The following PTPRD variants were observed in gnomAD, a reference collection of about 807,000 sequenced individuals.
The protein encoded by PTPRD is protein tyrosine phosphatase receptor type D.
PTPRD carries 34 observed loss-of-function variants against 214.5 expected under a neutral mutation model. The ratio of observed to expected loss-of-function variants is 0.16; its 90% CI spans 0.12 to 0.21. The LOEUF (loss-of-function observed/expected upper bound fraction) is 0.21. Among genes scored for constraint, PTPRD ranks in the 10% least tolerant of loss-of-function variants. The pLI, the probability that PTPRD is intolerant of heterozygous loss-of-function variation, is 1.00. For synonymous variants in PTPRD, 1,128 were observed against 845.7 expected, an observed-to-expected ratio of 1.33 and a Z score of -5.79; for missense variants, 2,545 against 2,398.7, an observed-to-expected ratio of 1.06 and a Z score of -1.27.
chr9:9,676,300 C>G (rs1396849804), intron 7 of PTPRD, among the ~76,000 whole-genome samples: 1 of 141,472 alleles, frequency 7.1e-6, no homozygotes, highest in Non-Finnish European at 1.5e-5. Flanking sequence ...CAACAGGCCC[C>G]AGTGTGTGAT....
chr9:9,193,622 A>G (rs1354346584), intron 9 of PTPRD, among the ~76,000 whole-genome samples: 1 of 152,156 alleles, frequency 6.6e-6, no homozygotes, highest in Non-Finnish European at 1.5e-5. Context: ...CTGTAACACA[A>G]TGGCAAGTAT....
Position 8,560,440 on chromosome 9 carries a change from T to TACAC in PTPRD, c.353-31665_353-31662dup, listed in dbSNP as rs71317370. The stretch of plus-strand genomic sequence containing the variant: ...CAGTACCAACTTAAAAAAAAATACA[T>TACAC]ACACACACACACACACACACACACA... On this transcript the variant is annotated intron_variant, in intron 14 of 45. Coordinates refer to ENST00000381196, the MANE Select transcript of PTPRD (RefSeq NM_002839.4). Among the ~76,000 whole-genome samples the TACAC allele has an allele frequency of 8.0e-3, 1,146 of 143,400 alleles. 13 individuals are homozygous for TACAC. The highest frequency in any genetic ancestry group is 0.02 in the African/African-American group (784 of 38,764). The allele number at this position is 143,400 out of a possible 152,430, so 94.1% of individuals were successfully genotyped here. A position where few individuals can be genotyped will look rare whatever the true frequency, so the allele number is the denominator to read the frequency against.
At chr9:8,336,586 G>A (rs1169907450) in intron 43 of PTPRD, among the ~76,000 whole-genome samples, 1 of 142,282 alleles carries the variant, frequency 7.0e-6, no homozygotes, top group African/African-American at 2.6e-5. Context: ...AAAGCCAAAA[G>A]TGACAAATGG....
At chr9:8,672,243 T>C (rs939644056) in intron 12 of PTPRD, among the ~76,000 whole-genome samples, 1 of 152,186 alleles carries the variant, frequency 6.6e-6, no homozygotes. Context: ...AAAATAATTT[T>C]ATTAGTACAG....
intron 8 of PTPRD, among the ~76,000 whole-genome samples, chr9:9,441,030 T>A (rs140671008): frequency 1.3e-5 from 2 of 152,206 alleles, no homozygotes; most frequent in African/African-American, 2.4e-5. Flanking sequence ...CCTGTGAGAC[T>A]TCCCCTCATT....
At chr9:9,220,649 T>G (rs1055812520) in intron 9 of PTPRD, among the ~76,000 whole-genome samples, 6 of 151,314 alleles carry the variant, frequency 4.0e-5, no homozygotes, top group African/African-American at 1.2e-4. Flanking sequence ...TTTCGGGGGG[T>G]TGAATTCAAA....
At chr9:9,489,189 AT>A (rs530772656) in intron 8 of PTPRD, among the ~76,000 whole-genome samples, 406 of 152,326 alleles carry the variant, frequency 2.7e-3, no homozygotes, top group African/African-American at 8.7e-3. Flanking sequence ...CGCAGAAAAA[AT>A]CTGGAAAACT....
intron 6 of PTPRD, among the ~76,000 whole-genome samples, chr9:9,763,470 T>TA (rs1324844512): frequency 1.4e-4 from 21 of 152,168 alleles, no homozygotes; most frequent in African/African-American, 4.8e-4. Context: ...CAGTCTTCTT[T>TA]AAAAAATCTT....
chr9:9,800,240 C>A (rs1408983341), intron 5 of PTPRD, among the ~76,000 whole-genome samples: 1 of 152,026 alleles, frequency 6.6e-6, no homozygotes, highest in Non-Finnish European at 1.5e-5. Context: ...GAGACTGAGG[C>A]GGAAGGATGG....
chr9:9,103,999 A>C (rs942666776), intron 10 of PTPRD, among the ~76,000 whole-genome samples: 6 of 152,140 alleles, frequency 3.9e-5, no homozygotes, highest in African/African-American at 1.4e-4. Flanking sequence ...TTAATAAATA[A>C]ATAAAAAAGA....
At chr9:9,036,706 T>C (rs1353180090) in intron 10 of PTPRD, among the ~76,000 whole-genome samples, 1 of 152,174 alleles carries the variant, frequency 6.6e-6, no homozygotes, top group Non-Finnish European at 1.5e-5. Flanking sequence ...ATTGTTTATC[T>C]TTACATCCAT....
At chr9:9,909,750 C>A (rs946609002) in intron 5 of PTPRD, among the ~76,000 whole-genome samples, 1 of 150,940 alleles carries the variant, frequency 6.6e-6, no homozygotes, top group Non-Finnish European at 1.5e-5. Flanking sequence ...GACATGTGAG[C>A]CTTTGGGACA....
chr9:10,599,196 CA>C (rs2077374746), intron 2 of PTPRD, among the ~76,000 whole-genome samples: 1 of 151,662 alleles, frequency 6.6e-6, no homozygotes, highest in Non-Finnish European at 1.5e-5. Context: ...AATGTGATGG[CA>C]GAAACCTGTA....
chr9:10,201,142 G>A (rs2154333775), intron 3 of PTPRD, among the ~76,000 whole-genome samples: 1 of 152,038 alleles, frequency 6.6e-6, no homozygotes, highest in South Asian at 2.1e-4. Flanking sequence ...AAAAGACAGT[G>A]CAATGGTGAA....
At chr9:9,701,095 T>C (rs1296378654) in intron 7 of PTPRD, among the ~76,000 whole-genome samples, 1 of 151,712 alleles carries the variant, frequency 6.6e-6, no homozygotes, top group Non-Finnish European at 1.5e-5. Flanking sequence ...GTTGGGAAGA[T>C]ATTAAAGAAT....
rs775581399 is a variant in PTPRD at position 8,319,795 on chromosome 9, C to T, written c.5670+36G>A. ...GAGGTCCAGGCTAGCAAAACGTAGGCTCTTGAGATGCGAAAAATGCAATGG... is the reference window on the plus strand; with the variant it reads ...GAGGTCCAGGCTAGCAAAACGTAGGTTCTTGAGATGCGAAAAATGCAATGG... On this transcript the variant is annotated intron_variant, in intron 45 of 45. Transcript: ENST00000381196. 4.3e-6 allele frequency: 7 copies of T among 1,611,056 alleles called. No homozygotes were observed. In the Admixed American group the frequency reaches 6.7e-5, roughly 15 times the overall value.
chr9:9,739,375 G>A (rs2098360677), intron 6 of PTPRD, among the ~76,000 whole-genome samples: 1 of 151,984 alleles, frequency 6.6e-6, no homozygotes, highest in Non-Finnish European at 1.5e-5. Flanking sequence ...GGGTTTTTTT[G>A]TTGTCCATTA....
chr9:8,485,723 T>C, intron 28 of PTPRD, 39 bp downstream of exon 28: 4 of 1,510,838 alleles, frequency 2.6e-6, no homozygotes, highest in Non-Finnish European at 3.6e-6. Context: ...AGACTGACAA[T>C]CCTTTAAAGG....
intron 7 of PTPRD, among the ~76,000 whole-genome samples, chr9:9,698,842 T>G (rs1026103994): frequency 4.6e-5 from 7 of 152,172 alleles, no homozygotes; most frequent in African/African-American, 1.7e-4. Flanking sequence ...GATATAAAAG[T>G]CTGATTAGCC....
Sources: allele counts gnomAD v4.1 joint callset (sites outside exome capture counted in the v4.1 genomes callset), GRCh38; gene constraint gnomAD v4.1.1; transcripts MANE v1.5; gene names NCBI Gene and HGNC (gene_info 2026-07-23, HGNC 2026-07-21).